MAGI2: variants seen among roughly 807,000 people sequenced by gnomAD.
The protein encoded by MAGI2 is membrane-associated guanylate kinase, WW and PDZ domain-containing protein 2.
Under a neutral mutation model 133.3 loss-of-function variants are expected in MAGI2, and 35 were observed. The observed-to-expected ratio is 0.26, with a 90% CI of 0.20 to 0.35. The LOEUF is 0.35. MAGI2 is among the 10% of genes least tolerant of loss of function. The pLI, the probability that MAGI2 is intolerant of heterozygous loss-of-function variation, is 1.00. For missense variants in MAGI2, 1,636 were observed against 1,863.4 expected (o/e 0.88, Z 2.25); for synonymous variants, 729 against 710.6 (o/e 1.03, Z -0.41).
At chr7:78,035,457 C>G (rs1038409401) in intron 21 of MAGI2, among the ~76,000 whole-genome samples, 7 of 147,444 alleles carry the variant, frequency 4.7e-5, no homozygotes, top group Non-Finnish European at 1.1e-4. Context: ...ATTGAACAAG[C>G]AGGTTTGGAC....
chr7:78,925,170 GT>G (rs1299903267), intron 2 of MAGI2, among the ~76,000 whole-genome samples: 3 of 152,020 alleles, frequency 2.0e-5, no homozygotes, highest in African/African-American at 7.2e-5. Flanking sequence ...CAGAACTCCA[GT>G]GGGAAAGCGA....
At chr7:78,544,133 T>C (rs564313173) in intron 3 of MAGI2, among the ~76,000 whole-genome samples, 1 of 152,348 alleles carries the variant, frequency 6.6e-6, no homozygotes, top group Admixed American at 6.5e-5. Flanking sequence ...GGAAATGGAA[T>C]ATGAAACTTC....
At chr7:78,597,623 AG>A (rs889485756) in intron 3 of MAGI2, among the ~76,000 whole-genome samples, 3 of 152,214 alleles carry the variant, frequency 2.0e-5, no homozygotes, top group Admixed American at 6.5e-5. Flanking sequence ...AAATATGGGT[AG>A]ACTCTCGAGA....
rs1380615893 is a variant in MAGI2, at chr7:78,700,487, TGA to T, written c.419-73250_419-73249del. On this transcript the variant is annotated intron_variant, in intron 2 of 21. Coordinates refer to ENST00000354212, the MANE Select transcript of MAGI2 (RefSeq NM_012301.4). ...AAACCTTAAGAAAATATGTGGTGTT[TGA>T]GAGAGAGGCTCAACCTGCTAACTCT... 2.0e-5 allele frequency among the ~76,000 whole-genome samples: 3 copies of T among 152,252 alleles called. 1 individual carries two copies.
intron 1 of MAGI2, among the ~76,000 whole-genome samples, chr7:79,379,405 A>G (rs1420505025): frequency 6.6e-6 from 1 of 152,002 alleles, no homozygotes; most frequent in Non-Finnish European, 1.5e-5. Flanking sequence ...TATTGTGAAT[A>G]GTGCCACAGT....
intron 6 of MAGI2, among the ~76,000 whole-genome samples, chr7:78,437,772 C>G (rs1374502370): frequency 6.6e-6 from 1 of 152,058 alleles, no homozygotes; most frequent in Non-Finnish European, 1.5e-5. Context: ...CCATGGTCCA[C>G]AGCAGTTAAC....
At chr7:79,258,793 CA>C in intron 1 of MAGI2, among the ~76,000 whole-genome samples, 1 of 150,804 alleles carries the variant, frequency 6.6e-6, no homozygotes, top group Admixed American at 6.6e-5. Flanking sequence ...GCATGCTAGG[CA>C]AAAAAAAGGA....
chr7:78,749,493 T>A (rs1042492695), intron 2 of MAGI2, among the ~76,000 whole-genome samples: 1 of 152,064 alleles, frequency 6.6e-6, no homozygotes, highest in Non-Finnish European at 1.5e-5. Context: ...GTGGTTTCCA[T>A]TAGAAATAAG....
At chr7:78,673,106 AG>A (rs1304258217) in intron 2 of MAGI2, among the ~76,000 whole-genome samples, 1 of 152,212 alleles carries the variant, frequency 6.6e-6, no homozygotes, top group Non-Finnish European at 1.5e-5. Flanking sequence ...TCGATTACAT[AG>A]AATGTTAAAA....
chr7:79,077,917 T>A (rs964236004), intron 1 of MAGI2, among the ~76,000 whole-genome samples: 3 of 151,446 alleles, frequency 2.0e-5, no homozygotes, highest in East Asian at 3.8e-4. Context: ...ATATAGTTTT[T>A]ATTTTTTTCC....
intron 3 of MAGI2, among the ~76,000 whole-genome samples, chr7:78,573,015 A>G (rs1801674382): frequency 8.8e-6 from 1 of 113,788 alleles, no homozygotes; most frequent in South Asian, 2.7e-4. Flanking sequence ...AACTAATAGG[A>G]TATATATATG....
At chr7:79,386,440 AT>A (rs1844185398) in intron 1 of MAGI2, among the ~76,000 whole-genome samples, 1 of 152,058 alleles carries the variant, frequency 6.6e-6, no homozygotes, top group Non-Finnish European at 1.5e-5. Flanking sequence ...AAACAGAGAC[AT>A]TTTGGCTGTG....
chr7:78,994,221 T>C (rs1163354837), intron 2 of MAGI2, among the ~76,000 whole-genome samples: 1 of 151,984 alleles, frequency 6.6e-6, no homozygotes, highest in African/African-American at 2.4e-5. Context: ...ACTGTTGCTT[T>C]TCTTCATCAA....
chr7:78,778,564 G>C (rs533299866), intron 2 of MAGI2, among the ~76,000 whole-genome samples: 1 of 152,100 alleles, frequency 6.6e-6, no homozygotes, highest in African/African-American at 2.4e-5. Context: ...TATTTAAAGG[G>C]ACTGAATTAA....
chr7:78,544,647 T>C (rs1164701539), intron 3 of MAGI2, among the ~76,000 whole-genome samples: 1 of 152,096 alleles, frequency 6.6e-6, no homozygotes, highest in Non-Finnish European at 1.5e-5. Context: ...ATGTTGGAAT[T>C]GCAAACTCTG....
chr7:78,220,018 T>C (rs1028784749), intron 10 of MAGI2, among the ~76,000 whole-genome samples: 1 of 152,224 alleles, frequency 6.6e-6, no homozygotes, highest in Non-Finnish European at 1.5e-5. Context: ...TCCTATTTGC[T>C]GCAGAATGGA....
intron 2 of MAGI2, among the ~76,000 whole-genome samples, chr7:78,976,250 C>T (rs1804239019): frequency 6.6e-6 from 1 of 151,484 alleles, no homozygotes; most frequent in South Asian, 2.1e-4. Flanking sequence ...AGATTTGTTT[C>T]AGGTATTTAA....
chr7:78,417,363 G>A (rs899351288), intron 6 of MAGI2, among the ~76,000 whole-genome samples: 1 of 151,492 alleles, frequency 6.6e-6, no homozygotes, highest in African/African-American at 2.4e-5. Context: ...ATTGACGGGT[G>A]TGTGGGAGGC....
chr7:78,039,929 A>C (rs1432331200), intron 21 of MAGI2, among the ~76,000 whole-genome samples: 1 of 152,192 alleles, frequency 6.6e-6, no homozygotes. Context: ...ACCCAGGCGG[A>C]TCTCTGCAGT....
Sources: allele counts gnomAD v4.1 joint callset (sites outside exome capture counted in the v4.1 genomes callset), GRCh38; gene constraint gnomAD v4.1.1; transcripts MANE v1.5; gene names NCBI Gene and HGNC (gene_info 2026-07-23, HGNC 2026-07-21).